The following CDYL2 variants were observed in gnomAD, a reference collection of about 807,000 sequenced individuals.
CDYL2 encodes chromodomain Y-like protein 2.
In CDYL2, 23 loss-of-function variants were observed where a neutral mutation model predicts 49.4. That is an observed-to-expected ratio of 0.47 (90% confidence interval 0.34 to 0.66). The LOEUF is 0.66. Among genes scored for constraint, CDYL2 ranks in the 30% least tolerant of loss-of-function variants. The pLI, the probability that CDYL2 is intolerant of heterozygous loss-of-function variation, is 0.01. For missense variants in CDYL2, 678 were observed against 656.4 expected, an observed-to-expected ratio of 1.03 and a Z score of -0.36; for synonymous variants, 360 against 268.8, an observed-to-expected ratio of 1.34 and a Z score of -3.32.
chr16:80,721,727 T>G (rs780982820), intron 1 of CDYL2, among the ~76,000 whole-genome samples: 7 of 152,228 alleles, frequency 4.6e-5, no homozygotes, highest in Non-Finnish European at 1.0e-4. Context: ...TAGACCACCC[T>G]TCAGCTTCTC....
At chr16:80,774,164 C>A (rs1369322375) in intron 1 of CDYL2, among the ~76,000 whole-genome samples, 7 of 151,920 alleles carry the variant, frequency 4.6e-5, no homozygotes, top group African/African-American at 1.4e-4. Context: ...TCAGAAGTGA[C>A]AAAAACAAAG....
chr16:80,724,023 G>C (rs113044987), intron 1 of CDYL2, among the ~76,000 whole-genome samples: 22,609 of 149,052 alleles, frequency 0.15, 2,126 homozygotes, highest in South Asian at 0.24. Context: ...AAGAGAAAGA[G>C]GAAGAGGGGA....
intron 3 of CDYL2, among the ~76,000 whole-genome samples, chr16:80,623,994 G>A (rs1008940857): frequency 2.0e-5 from 3 of 152,130 alleles, no homozygotes; most frequent in South Asian, 4.1e-4. Flanking sequence ...CACATGCTAC[G>A]TTCTGAGGCC....
intron 1 of CDYL2, among the ~76,000 whole-genome samples, chr16:80,727,367 C>T (rs1195767160): frequency 3.9e-5 from 6 of 152,224 alleles, no homozygotes; most frequent in African/African-American, 1.4e-4. Flanking sequence ...GTCACTCCCA[C>T]CCGAATACTG....
intron 1 of CDYL2, among the ~76,000 whole-genome samples, chr16:80,739,584 A>C (rs1433888126): frequency 2.6e-5 from 4 of 152,166 alleles, no homozygotes; most frequent in African/African-American, 9.7e-5. Flanking sequence ...CAGCAGTCCC[A>C]GGATAGCACC....
intron 1 of CDYL2, among the ~76,000 whole-genome samples, chr16:80,790,872 A>G (rs986690950): frequency 1.2e-4 from 18 of 152,214 alleles, no homozygotes; most frequent in African/African-American, 4.3e-4. Context: ...AATGATGTCA[A>G]GATTTTCAAG....
intron 1 of CDYL2, among the ~76,000 whole-genome samples, chr16:80,726,530 T>C (rs545407885): frequency 6.6e-6 from 1 of 152,212 alleles, no homozygotes; most frequent in Admixed American, 6.5e-5. Context: ...GCAATACATA[T>C]TTACTGAATG....
At chr16:80,695,238 G>A (rs1290626853) in intron 1 of CDYL2, among the ~76,000 whole-genome samples, 1 of 152,204 alleles carries the variant, frequency 6.6e-6, no homozygotes, top group Admixed American at 6.5e-5. Context: ...GTCACACAGA[G>A]TGTTCAGCTC....
At chr16:80,668,153 C>T (rs1467020208) in intron 2 of CDYL2, among the ~76,000 whole-genome samples, 1 of 152,230 alleles carries the variant, frequency 6.6e-6, no homozygotes, top group African/African-American at 2.4e-5. Context: ...CCCTGCACAC[C>T]GTAAATCCCA....
At chr16:80,668,489 G>T (rs540629265) in intron 2 of CDYL2, among the ~76,000 whole-genome samples, 1 of 150,760 alleles carries the variant, frequency 6.6e-6, no homozygotes. Context: ...ATGTAATAAA[G>T]TACATAGATT....
At chr16:80,751,230 T>G (rs1178279770) in intron 1 of CDYL2, among the ~76,000 whole-genome samples, 1 of 152,134 alleles carries the variant, frequency 6.6e-6, no homozygotes, top group Non-Finnish European at 1.5e-5. Context: ...GAAACCAATG[T>G]CCCTGCCAAG....
chr16:80,708,594 A>G (rs943867493), intron 1 of CDYL2, among the ~76,000 whole-genome samples: 1 of 152,208 alleles, frequency 6.6e-6, no homozygotes, highest in Non-Finnish European at 1.5e-5. Flanking sequence ...TCCCATTTTG[A>G]GGATGAGGCT....
chr16:80,641,950 G>C (rs1409300600), intron 2 of CDYL2, among the ~76,000 whole-genome samples: 1 of 151,380 alleles, frequency 6.6e-6, no homozygotes, highest in Non-Finnish European at 1.5e-5. Flanking sequence ...ATAAAACCCA[G>C]TGGTAATAGC....
At position 80,603,077 on chromosome 16, in the gene CDYL2, A is replaced by C. The variant is rs576225609; in HGVS notation, c.*1311T>G. ...TTCCTGGTCATTGCTCCCTATGTAC[A>C]TAAAAAAACTAGAAAACAGATGAGT... On this transcript the variant is annotated 3_prime_UTR_variant, in exon 7 of 7. Coordinates refer to ENST00000570137, the MANE Select transcript of CDYL2 (RefSeq NM_152342.4). 2.0e-5 allele frequency: 3 copies of C among 152,198 alleles called. No individual in the cohort carries two copies. The highest frequency in any genetic ancestry group is 7.2e-5 in the African/African-American group (3 of 41,434). 9.4% of individuals were successfully genotyped at this position (152,198 alleles called of 1,614,324 possible).
chr16:80,711,089 C>A (rs1047578201), intron 1 of CDYL2, among the ~76,000 whole-genome samples: 1 of 152,122 alleles, frequency 6.6e-6, no homozygotes, highest in Non-Finnish European at 1.5e-5. Flanking sequence ...CAAAACATAC[C>A]AATGGAAAGT....
Position 80,761,591 on chromosome 16 carries a change from A to C in CDYL2, c.24+42559T>G, listed in dbSNP as rs920967889. Among the ~76,000 whole-genome samples, 7 of 152,290 alleles carry C rather than the reference A, an allele frequency of 4.6e-5. No individual in the cohort carries two copies. The East Asian group carries it at 1.2e-3, about 25-fold the overall frequency. On this transcript the variant is annotated intron_variant, in intron 1 of 6. Transcript: ENST00000570137. ...ATCACCTGCGGAGCCTTTTCAACAC[A>C]TCATCCTTTGCAATTGTTGAATCAA...
At chr16:80,781,797 C>G (rs528524149) in intron 1 of CDYL2, among the ~76,000 whole-genome samples, 138 of 152,020 alleles carry the variant, frequency 9.1e-4, no homozygotes, top group African/African-American at 3.0e-3. Flanking sequence ...ATTAAAACAA[C>G]CAATGTGTCA....
At chr16:80,796,809 C>T (rs1352874478) in intron 1 of CDYL2, among the ~76,000 whole-genome samples, 1 of 152,130 alleles carries the variant, frequency 6.6e-6, no homozygotes, top group Non-Finnish European at 1.5e-5. Context: ...TCTCTAAATC[C>T]AGAAGACCCA....
At position 80,771,059 on chromosome 16, in the gene CDYL2, C is replaced by T. The variant is rs143089989; in HGVS notation, c.24+33091G>A. Among the ~76,000 whole-genome samples, 213 of 152,302 alleles carry T rather than the reference C, an allele frequency of 1.4e-3. 1 individual carries two copies. Among genetic ancestry groups the T allele is most frequent in the African/African-American group, 5.0e-3 (208 of 41,554 alleles). On this transcript the variant is annotated intron_variant, in intron 1 of 6. Coordinates refer to ENST00000570137, the MANE Select transcript of CDYL2 (RefSeq NM_152342.4). ...GGTAAGTAACCCAAACTCATAAAGA[C>T]CATTTCCTAGTTTTGATTCATCTGA...
Sources: gnomAD v4.1 joint callset for allele counts (sites outside exome capture counted in the v4.1 genomes callset) on GRCh38, gnomAD v4.1.1 for gene constraint, MANE v1.5 for transcripts, NCBI Gene and HGNC (gene_info 2026-07-23, HGNC 2026-07-21) for gene names.